SORBS2: variants seen among roughly 807,000 people sequenced by gnomAD.
SORBS2 encodes the protein sorbin and SH3 domain-containing protein 2.
In SORBS2, 46 loss-of-function variants were observed where a neutral mutation model predicts 97.7. The ratio of observed to expected loss-of-function variants is 0.47; its 90% CI spans 0.37 to 0.60. SORBS2 has a LOEUF of 0.60. Among genes scored for constraint, SORBS2 ranks in the 20% least tolerant of loss-of-function variants. The probability of loss-of-function intolerance (pLI) is 0.00; values close to 1 mark genes in which losing one functional copy is unlikely to be tolerated. For synonymous variants in SORBS2, 476 were observed against 473.4 expected (o/e 1.01, Z -0.07); for missense variants, 1,316 against 1,282.3 (o/e 1.03, Z -0.40).
chr4:185,760,426 G>A (rs1358004770), intron 2 of SORBS2, among the ~76,000 whole-genome samples: 1 of 152,184 alleles, frequency 6.6e-6, no homozygotes, highest in Non-Finnish European at 1.5e-5. Flanking sequence ...AGCTGAGTGT[G>A]GTGGTGGGCA....
At chr4:185,952,243 G>C (rs536885658) in intron 1 of SORBS2, among the ~76,000 whole-genome samples, 1 of 152,268 alleles carries the variant, frequency 6.6e-6, no homozygotes, top group South Asian at 2.1e-4. Context: ...GGCCAGGCTG[G>C]TCTCGAACTC....
chr4:185,635,797 T>C (rs1486661148), intron 4 of SORBS2, among the ~76,000 whole-genome samples: 1 of 152,230 alleles, frequency 6.6e-6, no homozygotes, highest in Non-Finnish European at 1.5e-5. Context: ...TGGAAAATGC[T>C]GATAACTTAG....
At position 185,732,285 on chromosome 4, in the gene SORBS2, T is replaced by C. The variant is rs113417919; in HGVS notation, c.-198+42942A>G. On this transcript the variant is annotated intron_variant, in intron 2 of 20. Coordinates refer to the SORBS2 transcript ENST00000284776. ...TCATTCCCTTGGAAGATAATCTCAA[T>C]AGCATGTGTGAATAGGAAGAGCATC... is the stretch of plus-strand genomic sequence containing the variant. 2.0e-3 allele frequency among the ~76,000 whole-genome samples: 307 copies of C among 152,228 alleles called. 1 individual carries two copies. The highest frequency in any genetic ancestry group is 6.7e-3 in the African/African-American group (280 of 41,538).
intron 13 of SORBS2, chr4:185,592,605 G>A (rs114794819): frequency 0.046 from 7,012 of 153,980 alleles, 537 homozygotes; most frequent in African/African-American, 0.16. Context: ...GCCCAGGCTG[G>A]AGTGCAGGGC....
At chr4:185,589,654 G>T in intron 14 of SORBS2, 25 bp downstream of exon 26, 1 of 1,374,046 alleles carries the variant, frequency 7.3e-7, no homozygotes, top group Non-Finnish European at 1.0e-6. Context: ...ATAGCCGAAG[G>T]TGCCTGAGGA....
At chr4:185,953,403 G>A (rs908758960) in intron 1 of SORBS2, among the ~76,000 whole-genome samples, 3 of 152,178 alleles carry the variant, frequency 2.0e-5, no homozygotes, top group African/African-American at 7.2e-5. Flanking sequence ...GCATCATTTT[G>A]GTCTGGTATT....
chr4:185,671,319 T>A (rs2097709334), intron 4 of SORBS2, among the ~76,000 whole-genome samples: 1 of 152,194 alleles, frequency 6.6e-6, no homozygotes, highest in Non-Finnish European at 1.5e-5. Context: ...GTTTTGCATC[T>A]GGGAAAGTGT....
intron 13 of SORBS2, among the ~76,000 whole-genome samples, chr4:185,590,007 T>TAACA (rs1229369428): frequency 6.6e-6 from 1 of 152,162 alleles, no homozygotes; most frequent in African/African-American, 2.4e-5. Flanking sequence ...TAGAACACTC[T>TAACA]AACAACATTT....
chr4:185,933,076 T>A (rs1276863402), intron 1 of SORBS2: 4 of 152,136 alleles, frequency 2.6e-5, no homozygotes, highest in South Asian at 4.1e-4. Flanking sequence ...ATGATGAATA[T>A]CTCCAGCTTT....
intron 4 of SORBS2, among the ~76,000 whole-genome samples, chr4:185,644,296 AC>A (rs1186801466): frequency 2.0e-5 from 3 of 152,136 alleles, no homozygotes; most frequent in Admixed American, 2.0e-4. Flanking sequence ...AATCTCTGTC[AC>A]ACTCATGGCT....
At chr4:185,809,061 A>T (rs1024612153) in intron 1 of SORBS2, among the ~76,000 whole-genome samples, 4 of 152,174 alleles carry the variant, frequency 2.6e-5, no homozygotes, top group African/African-American at 7.2e-5. Flanking sequence ...CAAATCAGAA[A>T]AATGAAAGCC....
intron 1 of SORBS2, among the ~76,000 whole-genome samples, chr4:185,851,924 C>T (rs771480822): frequency 3.9e-5 from 6 of 152,144 alleles, no homozygotes; most frequent in Non-Finnish European, 7.3e-5. Flanking sequence ...AATAAACTCC[C>T]ATATATGTAT....
chr4:185,621,694 T>C lies in SORBS2; in HGVS notation c.2215+1220A>G, dbSNP rs2096722818. Among the ~76,000 whole-genome samples, 3 of 152,270 alleles carry C rather than the reference T, an allele frequency of 2.0e-5. No homozygotes were observed. In the East Asian group the frequency reaches 5.8e-4, roughly 29 times the overall value. On this transcript the variant is annotated intron_variant, in intron 7 of 14. Coordinates refer to ENST00000418609, the Ensembl canonical transcript of SORBS2. ...AAAGACTAAGTAGATTTGTGCAAGT[T>C]AATTAACAATCGAGCCATATTTGAC...
intron 1 of SORBS2, among the ~76,000 whole-genome samples, chr4:185,653,879 G>A (rs1034227582): frequency 6.6e-6 from 1 of 152,168 alleles, no homozygotes; most frequent in Non-Finnish European, 1.5e-5. Flanking sequence ...AAACACACCA[G>A]ACGTTCCAAG....
chr4:185,828,685 G>A (rs566714314), intron 1 of SORBS2, among the ~76,000 whole-genome samples: 1 of 152,124 alleles, frequency 6.6e-6, no homozygotes, highest in African/African-American at 2.4e-5. Flanking sequence ...TGTCCCAAGT[G>A]GCAGACACTG....
At chr4:185,694,285 G>T (rs190211334) in intron 2 of SORBS2, among the ~76,000 whole-genome samples, 7 of 152,298 alleles carry the variant, frequency 4.6e-5, no homozygotes, top group African/African-American at 1.7e-4. Flanking sequence ...CAAATTCCTA[G>T]AGTCTTTGCA....
At chr4:185,778,245 C>G (rs2099009546) in intron 1 of SORBS2, among the ~76,000 whole-genome samples, 1 of 152,156 alleles carries the variant, frequency 6.6e-6, no homozygotes, top group Non-Finnish European at 1.5e-5. Context: ...ATCAATGACC[C>G]AGAAGCTTCG....
chr4:185,955,193 A>C (rs2099279009), intron 1 of SORBS2, among the ~76,000 whole-genome samples: 1 of 152,196 alleles, frequency 6.6e-6, no homozygotes, highest in African/African-American at 2.4e-5. Context: ...CACTCTTTGC[A>C]TTCATTTCTG....
chr4:185,887,341 A>T (rs886367052), intron 1 of SORBS2, among the ~76,000 whole-genome samples: 11 of 152,264 alleles, frequency 7.2e-5, no homozygotes, highest in African/African-American at 2.7e-4. Flanking sequence ...GAAGAAACAC[A>T]CTTCCCTCTT....
Sources: allele counts gnomAD v4.1 joint callset (sites outside exome capture counted in the v4.1 genomes callset), GRCh38; gene constraint gnomAD v4.1.1; transcripts MANE v1.5; gene names NCBI Gene and HGNC (gene_info 2026-07-23, HGNC 2026-07-21).